ZFR2: variants seen among roughly 807,000 people sequenced by gnomAD.
ZFR2 encodes zinc finger RNA-binding protein 2.
ZFR2 carries 104 observed loss-of-function variants against 105.7 expected under a neutral mutation model. The ratio of observed to expected loss-of-function variants is 0.98; its 90% CI spans 0.84 to 1.16. ZFR2 has a LOEUF of 1.16. ZFR2 is among the 50% of genes most tolerant of loss of function. The pLI, the probability that ZFR2 is intolerant of heterozygous loss-of-function variation, is 0.00. For missense variants in ZFR2, 1,425 were observed against 1,355.5 expected, an observed-to-expected ratio of 1.05 and a Z score of -0.80; for synonymous variants, 634 against 597.7, an observed-to-expected ratio of 1.06 and a Z score of -0.89.
intron 13 of ZFR2, among the ~76,000 whole-genome samples, chr19:3,815,161 C>T (rs926235165): frequency 6.6e-6 from 1 of 152,208 alleles, no homozygotes; most frequent in African/African-American, 2.4e-5. Flanking sequence ...ACTATCTCTG[C>T]TCACTGCAAC....
chr19:3,842,762 T>C (rs2107454), intron 1 of ZFR2, among the ~76,000 whole-genome samples: 4,736 of 152,106 alleles, frequency 0.031, 184 homozygotes, highest in South Asian at 0.19. Flanking sequence ...TAGCTGGGAT[T>C]GCAGGTGCAC....
At chr19:3,856,471 A>G (rs561399079) in intron 1 of ZFR2, among the ~76,000 whole-genome samples, 21 of 152,200 alleles carry the variant, frequency 1.4e-4, no homozygotes, top group Admixed American at 5.9e-4. Context: ...CATCTAGTAC[A>G]TTTACAAGGC....
At chr19:3,859,983 C>A (rs373904761) in intron 1 of ZFR2, among the ~76,000 whole-genome samples, 3 of 152,096 alleles carry the variant, frequency 2.0e-5, no homozygotes, top group Non-Finnish European at 4.4e-5. Context: ...AATGTCCCAA[C>A]GTATTGGAAA....
chr19:3,843,061 C>T (rs1788309192), intron 1 of ZFR2, among the ~76,000 whole-genome samples: 1 of 151,492 alleles, frequency 6.6e-6, no homozygotes. Flanking sequence ...CAATTCCACT[C>T]CTAGGTTCCT....
intron 1 of ZFR2, among the ~76,000 whole-genome samples, chr19:3,860,254 G>A (rs529613443): frequency 1.1e-4 from 16 of 150,150 alleles, no homozygotes; most frequent in Non-Finnish European, 1.8e-4. Flanking sequence ...GCTCAGGCTG[G>A]TCTCGAACTC....
At chr19:3,845,320 A>G (rs1012165063) in intron 1 of ZFR2, among the ~76,000 whole-genome samples, 2 of 151,716 alleles carry the variant, frequency 1.3e-5, no homozygotes, top group Non-Finnish European at 2.9e-5. Flanking sequence ...TTTTTTTTTT[A>G]TTACAGAAGT....
At chr19:3,837,088 G>A (rs887429814) in intron 1 of ZFR2, among the ~76,000 whole-genome samples, 11 of 152,186 alleles carry the variant, frequency 7.2e-5, no homozygotes, top group Admixed American at 3.9e-4. Flanking sequence ...TGTCAGGGCC[G>A]GGGACAAGGA....
intron 5 of ZFR2, among the ~76,000 whole-genome samples, chr19:3,829,978 G>T (rs568601866): frequency 4.6e-5 from 7 of 152,170 alleles, no homozygotes; most frequent in Non-Finnish European, 7.3e-5. Context: ...ACACAGAGAT[G>T]GTAGCCACAA....
intron 6 of ZFR2, 137 bp downstream of exon 6, chr19:3,827,324 CTGGGCGGCTG>C: frequency 1.1e-6 from 1 of 875,068 alleles, no homozygotes; most frequent in Non-Finnish European, 1.6e-6. Flanking sequence ...ACGCATGGGC[CTGGGCGGCTG>C]GCCCTTGGGG....
rs746950339 is a variant in ZFR2 at position 3,822,248 on chromosome 19, G to A, written c.1372-48C>T. The stretch of plus-strand genomic sequence containing the variant: ...GCGCACCAGGCACGAGGCGGGGTGG[G>A]ATGTGAGATGCTACCGCTGCCAGGT... On this transcript the variant is annotated intron_variant, in intron 8 of 18. Coordinates refer to ENST00000262961, the MANE Select transcript of ZFR2 (RefSeq NM_015174.2). 4.5e-5 allele frequency: 69 copies of A among 1,541,276 alleles called. No homozygotes were observed. In the South Asian group the frequency reaches 6.3e-4, roughly 14 times the overall value.
At chr19:3,830,358 C>T (rs1392059595) in intron 5 of ZFR2, among the ~76,000 whole-genome samples, 7 of 152,206 alleles carry the variant, frequency 4.6e-5, no homozygotes, top group Middle Eastern at 3.4e-3. Context: ...ATCACTTGAA[C>T]CCAGGAGGTG....
intron 3 of ZFR2, among the ~76,000 whole-genome samples, chr19:3,832,973 G>A (rs1188912352): frequency 1.3e-5 from 2 of 151,596 alleles, no homozygotes; most frequent in South Asian, 2.1e-4. Context: ...TTCACGGGGT[G>A]CAGTGGCTCA....
At chr19:3,863,211 G>T (rs553094595) in intron 1 of ZFR2, among the ~76,000 whole-genome samples, 2 of 152,302 alleles carry the variant, frequency 1.3e-5, no homozygotes, top group East Asian at 3.9e-4. Context: ...AGCCACACCT[G>T]GCAGGCAGGG....
At chr19:3,855,317 C>T in intron 1 of ZFR2, 1 of 1,187,408 alleles carries the variant, frequency 8.4e-7, no homozygotes, top group Non-Finnish European at 1.1e-6. Flanking sequence ...AAAAAAAAGT[C>T]ATTAGAGGCC....
chr19:3,812,692 T>C (rs1219961190), intron 14 of ZFR2, among the ~76,000 whole-genome samples: 3 of 152,072 alleles, frequency 2.0e-5, no homozygotes, highest in Admixed American at 6.6e-5. Context: ...CTGTACTTAG[T>C]TTTTAGATGA....
chr19:3,866,920 C>G (rs924410755), intron 1 of ZFR2, among the ~76,000 whole-genome samples: 4 of 152,224 alleles, frequency 2.6e-5, no homozygotes, highest in Non-Finnish European at 4.4e-5. Flanking sequence ...TAGTCAAATA[C>G]TCCACCAGAG....
rs772977327 is a variant in ZFR2, at chr19:3,819,073, G to A, written c.1903C>T (p.Arg635Cys). The change falls in exon 12 of 19, where the codon CGC becomes TGC. Residue 635 changes from arginine to cysteine, a missense_variant. Transcript: ENST00000262961. The stretch of plus-strand genomic sequence containing the variant: ...CGCTTGTCACCCTCTTCCTCTCGGC[G>A]GCCCCGGTCCTCCTCGGCCAGTGTG... ...SDTLAEEDRG[R>C]REEEGDKRSS... The A allele has an allele frequency of 1.2e-5, 20 of 1,612,314 alleles. No homozygotes were observed. The highest frequency in any genetic ancestry group is 8.9e-5 in the East Asian group (4 of 44,892).
rs779138135 is a variant in ZFR2, at chr19:3,813,872, G to A, written c.2190C>T (p.Val730=). Residue 730 remains valine (V), a synonymous_variant, in exon 14 of 19, where the codon GTC becomes GTT. Coordinates refer to ENST00000262961, the MANE Select transcript of ZFR2 (RefSeq NM_015174.2). The surrounding 1 kb of genome is among the most constrained non-coding windows in gnomAD (Gnocchi z 4.4). ...ISSCEEPRMQ[V]TISVTSPLMR... is the part of the protein sequence containing the mutation. The stretch of plus-strand genomic sequence containing the variant: ...TCAGAGGTGAGGTGACAGATATGGT[G>A]ACCTGCATCCTGGGCTCCTCACAGG... 1.9e-6 allele frequency: 3 copies of A among 1,613,810 alleles called. No individual in the cohort carries two copies. The highest frequency in any genetic ancestry group is 2.7e-5 in the African/African-American group (2 of 74,902).
At chr19:3,835,072 T>C in intron 1 of ZFR2, 89 bp from the exon 2 acceptor site, 1 of 1,448,678 alleles carries the variant, frequency 6.9e-7, no homozygotes, top group South Asian at 1.2e-5. Context: ...CAGCCACCAC[T>C]GGACCTGAGC....
Sources: allele counts gnomAD v4.1 joint callset (sites outside exome capture counted in the v4.1 genomes callset), GRCh38; gene constraint gnomAD v4.1.1; non-coding constraint Gnocchi (gnomAD v3.1); transcripts MANE v1.5; gene names NCBI Gene and HGNC (gene_info 2026-07-23, HGNC 2026-07-21).